The following SCIN variants were observed in gnomAD, a reference collection of about 807,000 sequenced individuals.
The protein encoded by SCIN is adseverin.
A neutral mutation model predicts 91.8 loss-of-function variants in SCIN; 91 were observed. That is an observed-to-expected ratio of 0.99 (90% CI 0.84 to 1.18). The LOEUF (loss-of-function observed/expected upper bound fraction) is 1.18. Ranked by LOEUF, SCIN falls within the 50% of genes most tolerant of loss-of-function variation. The pLI is 0.00. For synonymous variants in SCIN, 367 were observed against 312.6 expected (o/e 1.17, Z -1.84); for missense variants, 1,087 against 863.9 (o/e 1.26, Z -3.24).
chr7:12,591,818 G>T (rs1457278260), intron 3 of SCIN, among the ~76,000 whole-genome samples: 2 of 152,124 alleles, frequency 1.3e-5, no homozygotes, highest in Admixed American at 6.5e-5. Context: ...CATAGCCTGG[G>T]CCCCAGGGGA....
intron 13 of SCIN, among the ~76,000 whole-genome samples, chr7:12,646,697 A>G (rs940716127): frequency 1.1e-4 from 17 of 152,218 alleles, no homozygotes; most frequent in Admixed American, 1.0e-3. Flanking sequence ...CTTCTTTTAT[A>G]TAAAATTTGA....
At chr7:12,597,610 C>G (rs1782870639) in intron 3 of SCIN, among the ~76,000 whole-genome samples, 1 of 152,146 alleles carries the variant, frequency 6.6e-6, no homozygotes, top group South Asian at 2.1e-4. Flanking sequence ...CTTATTAACT[C>G]AACACATAGT....
chr7:12,622,159 C>T lies in SCIN; in HGVS notation c.667-642C>T, dbSNP rs542516814. Among the ~76,000 whole-genome samples, 8 of 151,916 alleles carry T rather than the reference C, an allele frequency of 5.3e-5. No individual in the cohort carries two copies. In the South Asian group the frequency reaches 1.7e-3, roughly 32 times the overall value. ...TTCAAAGCAGATTCAAATGTATTTTCTACCAAACACTTTTTTGGACTTTTG... is the reference window on the plus strand; with the variant it reads ...TTCAAAGCAGATTCAAATGTATTTTTTACCAAACACTTTTTTGGACTTTTG... On this transcript the variant is annotated intron_variant, in intron 4 of 15. Transcript: ENST00000297029.
chr7:12,657,211 A>ATTTTTTTTT lies in SCIN; in HGVS notation c.*4513_*4521dup, dbSNP rs57131728. 8 of 82,556 alleles carry ATTTTTTTTT rather than the reference A, an allele frequency of 9.7e-5. No individual in the cohort carries two copies. Among genetic ancestry groups the ATTTTTTTTT allele is most frequent in the Admixed American group, 1.7e-4 (1 of 6,042 alleles). The allele number at this position is 82,556 out of a possible 1,614,324, so 5.1% of individuals were successfully genotyped here. On this transcript the variant is annotated 3_prime_UTR_variant, in exon 16 of 16. Coordinates refer to ENST00000297029, the MANE Select transcript of SCIN (RefSeq NM_001112706.3). ...TGTGTGTACTAAAGGATATAATATG[A>ATTTTTTTTT]TTTTTTTTTTTTTTTTTTTTTTTTT...
intron 1 of SCIN, 112 bp downstream of exon 1, chr7:12,571,097 C>T: frequency 8.4e-7 from 1 of 1,190,968 alleles, no homozygotes; most frequent in South Asian, 1.6e-5. Context: ...CTGAGCTAGC[C>T]ACTCGCGCCC....
intron 3 of SCIN, among the ~76,000 whole-genome samples, chr7:12,594,854 C>T (rs1282748954): frequency 6.6e-6 from 1 of 152,128 alleles, no homozygotes; most frequent in Non-Finnish European, 1.5e-5. Flanking sequence ...TGGCCCAGCG[C>T]TGGGTCTTTT....
intron 4 of SCIN, among the ~76,000 whole-genome samples, chr7:12,608,988 C>A (rs1011166297): frequency 6.6e-6 from 1 of 152,154 alleles, no homozygotes; most frequent in Non-Finnish European, 1.5e-5. Context: ...CACTGAAACT[C>A]ACACTTTTCT....
chr7:12,624,216 C>G (rs573557613), intron 5 of SCIN, among the ~76,000 whole-genome samples: 3 of 152,248 alleles, frequency 2.0e-5, no homozygotes, highest in African/African-American at 7.2e-5. Context: ...CAGACTCCAC[C>G]CTGGTCCTGC....
Position 12,651,943 on chromosome 7 carries a change from C to G in SCIN, c.2020+42C>G, listed in dbSNP as rs374182987. ...GACCATTATAGCAGTAACCGGGCACCATTATGACCGAGTGTCTGGCTTGCT... is the reference window on the plus strand; with the variant it reads ...GACCATTATAGCAGTAACCGGGCACGATTATGACCGAGTGTCTGGCTTGCT... On this transcript the variant is annotated intron_variant, in intron 15 of 15. Coordinates refer to ENST00000297029, the MANE Select transcript of SCIN (RefSeq NM_001112706.3). The surrounding 1 kb of genome is among the most constrained non-coding windows in gnomAD (Gnocchi z 5.9). 7 of 1,360,982 alleles carry G rather than the reference C, an allele frequency of 5.1e-6. No individual in the cohort carries two copies. Among genetic ancestry groups the G allele is most frequent in the Non-Finnish European group, 7.2e-6 (7 of 968,346 alleles). The allele number at this position is 1,360,982 out of a possible 1,614,324, so 84.3% of individuals were successfully genotyped here.
chr7:12,632,047 C>G (rs149881224), intron 9 of SCIN, among the ~76,000 whole-genome samples: 61 of 151,742 alleles, frequency 4.0e-4, no homozygotes, highest in African/African-American at 1.4e-3. Flanking sequence ...GGGGGTCACT[C>G]AAAGAGTTTG....
intron 3 of SCIN, among the ~76,000 whole-genome samples, chr7:12,593,746 G>C (rs1460263592): frequency 6.6e-6 from 1 of 152,090 alleles, no homozygotes; most frequent in Non-Finnish European, 1.5e-5. Context: ...AGTACACTTG[G>C]CCAGGGTCTG....
In SCIN at chr7:12,657,360, G is replaced by A. The variant is rs1006257193; in HGVS notation, c.*4645G>A. 1.3e-5 allele frequency: 2 copies of A among 149,320 alleles called. No homozygotes were observed. The highest frequency in any genetic ancestry group is 3.0e-5 in the Non-Finnish European group (2 of 67,394). 9.2% of individuals were successfully genotyped at this position (149,320 alleles called of 1,614,324 possible). On this transcript the variant is annotated 3_prime_UTR_variant, in exon 16 of 16. Coordinates refer to ENST00000297029, the MANE Select transcript of SCIN (RefSeq NM_001112706.3). ...GTCTCCCCAGGAGCTGGGACTCTAG[G>A]TGCGTGCCACCACGCCCAGCTAATT...
At chr7:12,624,476 G>T (rs1184980756) in intron 5 of SCIN, among the ~76,000 whole-genome samples, 1 of 152,154 alleles carries the variant, frequency 6.6e-6, no homozygotes, top group African/African-American at 2.4e-5. Flanking sequence ...AAATCTTTGT[G>T]CATAAACTAT....
intron 1 of SCIN, chr7:12,577,429 T>A (rs940665078): frequency 4.8e-6 from 2 of 419,926 alleles, no homozygotes; most frequent in Non-Finnish European, 9.4e-6. Context: ...GTTTTCATAG[T>A]CTGATCTTAT....
intron 6 of SCIN, among the ~76,000 whole-genome samples, chr7:12,625,431 CTT>C (rs10656602): frequency 1.0e-5 from 1 of 97,556 alleles, no homozygotes; most frequent in Non-Finnish European, 1.9e-5. Context: ...TTTTGCTATT[CTT>C]TTTTTTTTTT....
Position 12,651,165 on chromosome 7 carries a change from G to T in SCIN, c.1960-676G>T, listed in dbSNP as rs1784071284. On this transcript the variant is annotated intron_variant, in intron 14 of 15. Transcript: ENST00000297029. The surrounding 1 kb of genome is among the most constrained non-coding windows in gnomAD (Gnocchi z 5.9). The stretch of plus-strand genomic sequence containing the variant: ...TTACAGAAAGAATGGGGGATTGCAG[G>T]ATGGCAAAACTGGTTATGGGAGGGA... 1.3e-5 allele frequency among the ~76,000 whole-genome samples: 2 copies of T among 152,208 alleles called. No homozygotes were observed. Among genetic ancestry groups the T allele is most frequent in the Admixed American group, 1.3e-4 (2 of 15,282 alleles).
At chr7:12,605,447 G>GT (rs1783061197) in intron 4 of SCIN, among the ~76,000 whole-genome samples, 1 of 152,070 alleles carries the variant, frequency 6.6e-6, no homozygotes, top group Non-Finnish European at 1.5e-5. Context: ...GACCAGAAGT[G>GT]TTTCAGATTT....
chr7:12,645,775 T>G (rs1257576688), intron 13 of SCIN, among the ~76,000 whole-genome samples: 1 of 152,160 alleles, frequency 6.6e-6, no homozygotes, highest in Non-Finnish European at 1.5e-5. Flanking sequence ...ACAGGGTATT[T>G]TAAGGATTAA....
At position 12,651,734 on chromosome 7, in the gene SCIN, A is replaced by G; in HGVS notation, c.1960-107A>G. The G allele has an allele frequency of 2.9e-6, 2 of 685,954 alleles. No homozygotes were observed. Among genetic ancestry groups the G allele is most frequent in the East Asian group, 5.8e-5 (2 of 34,764 alleles). 42.5% of individuals were successfully genotyped at this position (685,954 alleles called of 1,614,324 possible). On this transcript the variant is annotated intron_variant, in intron 14 of 15. Transcript: ENST00000297029. This position sits in a 1 kb window ranked among gnomAD's most constrained non-coding sequence, Gnocchi z 5.9. ...CTCCACGTCCCTAACTTCTGCGGAT[A>G]TTGTGAAGATTGAATGAGCAATGTG...
Sources: allele counts gnomAD v4.1 joint callset (sites outside exome capture counted in the v4.1 genomes callset), GRCh38; gene constraint gnomAD v4.1.1; non-coding constraint Gnocchi (gnomAD v3.1); transcripts MANE v1.5; gene names NCBI Gene and HGNC (gene_info 2026-07-23, HGNC 2026-07-21).